The following MIGA1 variants were observed in gnomAD, a reference collection of about 807,000 sequenced individuals.
The protein encoded by MIGA1 is mitoguardin 1.
In MIGA1, 58 loss-of-function variants were observed where a neutral mutation model predicts 82.0. The ratio of observed to expected loss-of-function variants is 0.71; its 90% CI spans 0.57 to 0.88. MIGA1 has a LOEUF of 0.88. MIGA1 is among the 40% of genes least tolerant of loss of function. MIGA1 has a pLI of 0.00. For synonymous variants in MIGA1, 249 were observed against 253.6 expected (o/e 0.98, Z 0.17); for missense variants, 751 against 749.1 (o/e 1.00, Z -0.03).
chr1:77,866,843 C>A (rs879274283), intron 14 of MIGA1, among the ~76,000 whole-genome samples: 3 of 151,802 alleles, frequency 2.0e-5, no homozygotes, highest in African/African-American at 7.3e-5. Flanking sequence ...CCACACCCGG[C>A]TAATTTTTTT....
intron 7 of MIGA1, among the ~76,000 whole-genome samples, chr1:77,838,347 T>TATTG (rs1557920539): frequency 6.7e-6 from 1 of 148,720 alleles, no homozygotes; most frequent in Non-Finnish European, 1.5e-5. Flanking sequence ...TTTATTTATT[T>TATTG]ATTATTTATT....
intron 14 of MIGA1, 105 bp downstream of exon 14, chr1:77,866,496 G>A: frequency 9.5e-7 from 1 of 1,050,746 alleles, no homozygotes; most frequent in East Asian, 2.4e-5. Context: ...TGTAGGAGGG[G>A]TAGGAGGGAC....
intron 8 of MIGA1, among the ~76,000 whole-genome samples, chr1:77,846,525 G>GGTCTT (rs1187040886): frequency 2.0e-5 from 3 of 151,760 alleles, no homozygotes; most frequent in Non-Finnish European, 4.4e-5. Flanking sequence ...ATAGAGGTGG[G>GGTCTT]GTCTTGTCAG....
chr1:77,799,908 T>A (rs1222510814), intron 2 of MIGA1, among the ~76,000 whole-genome samples: 1 of 152,102 alleles, frequency 6.6e-6, no homozygotes, highest in African/African-American at 2.4e-5. Context: ...ATCTTTATAA[T>A]GCTTCCTATA....
At chr1:77,815,805 C>G (rs529140165) in intron 7 of MIGA1, among the ~76,000 whole-genome samples, 1 of 152,316 alleles carries the variant, frequency 6.6e-6, no homozygotes, top group Non-Finnish European at 1.5e-5. Flanking sequence ...TCACAGCTCA[C>G]TGCAGCCTTG....
chr1:77,779,756 G>A lies in MIGA1; in HGVS notation c.81+20G>A, dbSNP rs1424609911. 1.3e-6 allele frequency: 2 copies of A among 1,546,850 alleles called. No homozygotes were observed. Among genetic ancestry groups the A allele is most frequent in the East Asian group, 2.4e-5 (1 of 41,262 alleles). On this transcript the variant is annotated intron_variant, in intron 1 of 15. Coordinates refer to ENST00000370791, the MANE Select transcript of MIGA1 (RefSeq NM_198549.4). ...CTCCAGGTACAGGGCCAGGGGCGGGGTGGGGTGGAGAGGCGGGCGGGAGGA... is the reference window on the plus strand; with the variant it reads ...CTCCAGGTACAGGGCCAGGGGCGGGATGGGGTGGAGAGGCGGGCGGGAGGA...
intron 8 of MIGA1, among the ~76,000 whole-genome samples, chr1:77,845,308 CTT>C (rs1684794561): frequency 6.6e-6 from 1 of 152,044 alleles, no homozygotes; most frequent in East Asian, 1.9e-4. Flanking sequence ...ACATATTTGT[CTT>C]TCTATTCTGT....
chr1:77,863,734 T>G (rs888172115), intron 12 of MIGA1, among the ~76,000 whole-genome samples, 160 bp from the exon 13 acceptor site: 1 of 152,252 alleles, frequency 6.6e-6, no homozygotes, highest in African/African-American at 2.4e-5. Flanking sequence ...TCGTAATTTC[T>G]AGTGGCGAGC....
chr1:77,783,027 A>AT (rs1210859443), intron 1 of MIGA1: 1 of 269,230 alleles, frequency 3.7e-6, no homozygotes, highest in African/African-American at 2.4e-5. Flanking sequence ...TTAACTTCTT[A>AT]TTTTTTATGC....
chr1:77,854,700 T>TAAA (rs1187798420), intron 8 of MIGA1, among the ~76,000 whole-genome samples: 1 of 152,228 alleles, frequency 6.6e-6, no homozygotes, highest in African/African-American at 2.4e-5. Flanking sequence ...TTGTATATCT[T>TAAA]CTTTTGAGAA....
At chr1:77,789,666 A>G (rs1682334977) in intron 2 of MIGA1, among the ~76,000 whole-genome samples, 1 of 151,692 alleles carries the variant, frequency 6.6e-6, no homozygotes, top group African/African-American at 2.4e-5. Flanking sequence ...ATTTATTCTT[A>G]TTTATGCTCA....
At chr1:77,830,703 T>G (rs963160986) in intron 7 of MIGA1, among the ~76,000 whole-genome samples, 2 of 152,110 alleles carry the variant, frequency 1.3e-5, no homozygotes, top group Admixed American at 6.6e-5. Flanking sequence ...CTATACAGAA[T>G]CAAAGACTAT....
intron 4 of MIGA1, among the ~76,000 whole-genome samples, chr1:77,806,721 CCTGATTT>C (rs2101769718): frequency 6.6e-6 from 1 of 152,204 alleles, no homozygotes; most frequent in Non-Finnish European, 1.5e-5. Context: ...AACATAACTG[CCTGATTT>C]CTGATGGAAA....
chr1:77,781,202 C>T (rs1681901686), intron 1 of MIGA1, among the ~76,000 whole-genome samples: 1 of 152,098 alleles, frequency 6.6e-6, no homozygotes, highest in Admixed American at 6.5e-5. Context: ...AGCCACCACG[C>T]CTGGCCGAGG....
rs959801441 is a variant in MIGA1, at chr1:77,822,858, T to C, written c.895+7627T>C. ...ATGTTTTTTTTTTTTTTTTTTTTTTTCCGAGACAGAGTCTTGATCTGTCGC... is the reference window on the plus strand; with the variant it reads ...ATGTTTTTTTTTTTTTTTTTTTTTTCCCGAGACAGAGTCTTGATCTGTCGC... On this transcript the variant is annotated intron_variant, in intron 7 of 15. Transcript: ENST00000370791. Among the ~76,000 whole-genome samples, 30 of 145,018 alleles carry C rather than the reference T, an allele frequency of 2.1e-4. No homozygotes were observed. The East Asian group carries it at 2.4e-3, about 12-fold the overall frequency.
chr1:77,810,688 G>A (rs573670014), intron 5 of MIGA1, among the ~76,000 whole-genome samples: 5 of 152,360 alleles, frequency 3.3e-5, no homozygotes, highest in African/African-American at 1.2e-4. Flanking sequence ...ATACGTCAGT[G>A]ATGTGCTGGA....
intron 7 of MIGA1, among the ~76,000 whole-genome samples, chr1:77,827,105 C>T (rs1453381199): frequency 6.6e-6 from 1 of 151,252 alleles, no homozygotes; most frequent in African/African-American, 2.4e-5. Flanking sequence ...CTGCACCTGG[C>T]CAAAAAGAGC....
chr1:77,858,965 A>G lies in MIGA1; in HGVS notation c.1024A>G (p.Thr342Ala). 6.2e-7 allele frequency: 1 copy of G among 1,613,438 alleles called. No individual in the cohort carries two copies. The highest frequency in any genetic ancestry group is 8.5e-7 in the Non-Finnish European group (1 of 1,179,388). Residue 342 changes from threonine (T) to alanine (A), a missense_variant, in exon 9 of 16, where the codon ACC (threonine) becomes GCC (alanine). Physicochemically the swap from Thr to Ala is moderately conservative, Grantham distance 58. Coordinates refer to ENST00000370791, the MANE Select transcript of MIGA1 (RefSeq NM_198549.4). Reference sequence around the variant, plus strand: ...TGCAGAACACAGAGAAGTACGGCATACCTACAGCCTGGAGTCCCTTTGTCA... The same window carrying G: ...TGCAGAACACAGAGAAGTACGGCATGCCTACAGCCTGGAGTCCCTTTGTCA...
intron 2 of MIGA1, among the ~76,000 whole-genome samples, chr1:77,783,829 G>C (rs983608098): frequency 8.6e-5 from 13 of 151,960 alleles, no homozygotes; most frequent in African/African-American, 3.1e-4. Flanking sequence ...ACATCTTACT[G>C]TACCTCCTTC....
Sources: allele counts gnomAD v4.1 joint callset (sites outside exome capture counted in the v4.1 genomes callset), GRCh38; gene constraint gnomAD v4.1.1; transcripts MANE v1.5; gene names NCBI Gene and HGNC (gene_info 2026-07-23, HGNC 2026-07-21).